TAF15: variants seen among roughly 807,000 people sequenced by gnomAD.
TAF15 encodes TATA-box binding protein associated factor 15, also known as TATA-binding protein-associated factor 2N.
TAF15 carries 37 observed loss-of-function variants against 102.5 expected under a neutral mutation model. That is an observed-to-expected ratio of 0.36 (90% CI 0.28 to 0.47). TAF15 has a LOEUF of 0.47. TAF15 is among the 20% of genes least tolerant of loss of function. The probability of loss-of-function intolerance (pLI) is 0.99; values close to 1 mark genes in which losing one functional copy is unlikely to be tolerated. For synonymous variants in TAF15, 273 were observed against 259.2 expected (o/e 1.05, Z -0.51); for missense variants, 652 against 760.7 (o/e 0.86, Z 1.68).
chr17:35,833,734 C>A, intron 7 of TAF15, 173 bp from the exon 8 acceptor site: 1 of 637,088 alleles, frequency 1.6e-6, no homozygotes, highest in Non-Finnish European at 2.8e-6. Flanking sequence ...CTTGGGAAAA[C>A]ACTTAGATGG....
intron 6 of TAF15, among the ~76,000 whole-genome samples, chr17:35,823,051 G>A (rs4251746): frequency 6.6e-6 from 1 of 152,216 alleles, no homozygotes; most frequent in East Asian, 1.9e-4. Context: ...GGCTGATTAC[G>A]TGAATTTCCT....
Position 35,836,135 on chromosome 17 carries a change from C to T in TAF15, c.677C>T (p.Ser226Leu), listed in dbSNP as rs2087471738. 1.2e-6 allele frequency: 2 copies of T among 1,608,162 alleles called. No individual in the cohort carries two copies. Among genetic ancestry groups the T allele is most frequent in the Non-Finnish European group, 1.7e-6 (2 of 1,174,882 alleles). Reference protein sequence around the residue: ...RDYGPRTDADSESDNSDNNTI... With the variant: ...RDYGPRTDADLESDNSDNNTI... Reference sequence around the variant, plus strand: ...ACCATCACTTTTTTTCTCTTAGATTCAGAATCTGATAATTCAGATAACAAC... The same window carrying T: ...ACCATCACTTTTTTTCTCTTAGATTTAGAATCTGATAATTCAGATAACAAC... The change falls in exon 10 of 16, where the codon TCA becomes TTA. Residue 226 changes from serine to leucine, a missense_variant. This residue lies in a region of TAF15 where 243 missense variants were observed against 284.1 expected (regional missense o/e 0.86). Transcript: ENST00000605844.
chr17:35,814,669 A>G (rs1000034907), intron 1 of TAF15, among the ~76,000 whole-genome samples: 2 of 151,932 alleles, frequency 1.3e-5, no homozygotes, highest in East Asian at 1.9e-4. Context: ...CCTGGTCAAC[A>G]TGGTGAAACT....
chr17:35,836,479 A>G (rs1017692797), intron 10 of TAF15, among the ~76,000 whole-genome samples: 1 of 152,216 alleles, frequency 6.6e-6, no homozygotes, highest in African/African-American at 2.4e-5. Flanking sequence ...TTAGGACTCT[A>G]AAATTAGTCT....
At chr17:35,817,893 A>C (rs1375150681) in intron 2 of TAF15, 138 bp downstream of exon 2, 6 of 761,682 alleles carry the variant, frequency 7.9e-6, no homozygotes, top group Non-Finnish European at 1.1e-5. Flanking sequence ...GTCAGTGTAA[A>C]TAGGTGCTGT....
chr17:35,821,856 T>C (rs1382625954), intron 5 of TAF15, among the ~76,000 whole-genome samples: 1 of 152,168 alleles, frequency 6.6e-6, no homozygotes, highest in Non-Finnish European at 1.5e-5. Context: ...TTTAGAAGAC[T>C]GTACTATAGG....
chr17:35,817,985 A>T (rs2087214535), intron 2 of TAF15, among the ~76,000 whole-genome samples: 1 of 151,874 alleles, frequency 6.6e-6, no homozygotes, highest in Non-Finnish European at 1.5e-5. Flanking sequence ...TGCAGTGGCA[A>T]ATCATAGTGT....
chr17:35,812,314 C>T (rs932197090), intron 1 of TAF15, among the ~76,000 whole-genome samples: 1 of 151,950 alleles, frequency 6.6e-6, no homozygotes, highest in Non-Finnish European at 1.5e-5. Flanking sequence ...ACATGAAGAA[C>T]GGCTGGGCGT....
At chr17:35,837,913 A>AT (rs1393550790) in intron 10 of TAF15, among the ~76,000 whole-genome samples, 9 of 152,120 alleles carry the variant, frequency 5.9e-5, no homozygotes, top group Non-Finnish European at 1.0e-4. Flanking sequence ...GTGGTGGCTG[A>AT]TTCCTGTAAT....
Position 35,846,949 on chromosome 17 carries a change from C to G in TAF15, c.*4C>G. ...TCAGCGCAACCGACCATACTGATGA[C>G]TGTTTTGAATGTTCCTTTGTCTCTG... On this transcript the variant is annotated 3_prime_UTR_variant, in exon 16 of 16. Coordinates refer to ENST00000605844, the MANE Select transcript of TAF15 (RefSeq NM_139215.3). The G allele has an allele frequency of 6.2e-7, 1 of 1,614,056 alleles. No homozygotes were observed. The highest frequency in any genetic ancestry group is 8.5e-7 in the Non-Finnish European group (1 of 1,180,004).
At chr17:35,836,551 AT>A (rs1226962917) in intron 10 of TAF15, among the ~76,000 whole-genome samples, 133 of 152,338 alleles carry the variant, frequency 8.7e-4, no homozygotes, top group Middle Eastern at 3.4e-3. Context: ...ATAGACTGAA[AT>A]ATATGCAAGT....
Position 35,822,344 on chromosome 17 carries a change from C to CA in TAF15, c.291-278dup, listed in dbSNP as rs909362495. 0.11 allele frequency among the ~76,000 whole-genome samples: 7,266 copies of CA among 67,276 alleles called. 527 individuals are homozygous for CA. The highest frequency in any genetic ancestry group is 0.27 in the African/African-American group (5,754 of 20,954). 44.1% of individuals were successfully genotyped at this position (67,276 alleles called of 152,430 possible). A position where few individuals can be genotyped will look rare whatever the true frequency, so the allele number is the denominator to read the frequency against. The stretch of plus-strand genomic sequence containing the variant: ...GGGCAACAAGAGTGAACCTCTGTCT[C>CA]AAAAAAAAAAAAAAAAAAGTTCAAG... On this transcript the variant is annotated intron_variant, in intron 5 of 15. Transcript: ENST00000605844.
intron 7 of TAF15, among the ~76,000 whole-genome samples, chr17:35,832,885 A>G (rs11656322): frequency 0.52 from 78,766 of 151,874 alleles, 22,426 homozygotes; most frequent in African/African-American, 0.77. Context: ...GTCCTGGCGC[A>G]GTGGCTCGTG....
In TAF15 at chr17:35,822,685, A is replaced by G; in HGVS notation, c.336A>G (p.Gln112=). The G allele has an allele frequency of 1.2e-6, 2 of 1,614,190 alleles. No homozygotes were observed. The highest frequency in any genetic ancestry group is 1.7e-6 in the Non-Finnish European group (2 of 1,180,024). ...CCTATGACCAGCCAGACTATGGTCAACAAGATTCATATGACCAGCAGTCAG... is the reference window on the plus strand; with the variant it reads ...CCTATGACCAGCCAGACTATGGTCAGCAAGATTCATATGACCAGCAGTCAG... The part of the protein sequence containing the change: ...APSYDQPDYG[Q]QDSYDQQSGY... Residue 112 remains glutamine (Q), a synonymous_variant, in exon 6 of 16, where the codon CAA becomes CAG. Transcript: ENST00000605844.
chr17:35,809,711 T>C (rs1180483776), intron 1 of TAF15, 135 bp downstream of exon 1: 5 of 1,221,786 alleles, frequency 4.1e-6, no homozygotes, highest in Admixed American at 2.0e-5. Flanking sequence ...GGGCGGCCGC[T>C]GCCGCCGCCA....
chr17:35,816,815 CTTTTTTTTTT>C (rs1170506741), intron 1 of TAF15: 7 of 57,438 alleles, frequency 1.2e-4, no homozygotes, highest in Admixed American at 4.4e-4. Context: ...CCCACCCCCA[CTTTTTTTTTT>C]TTTTTTTTTT....
chr17:35,840,549 G>T lies in TAF15; in HGVS notation c.914-1818G>T, dbSNP rs867829442. On this transcript the variant is annotated intron_variant, in intron 11 of 15. Coordinates refer to ENST00000605844, the MANE Select transcript of TAF15 (RefSeq NM_139215.3). ...TTACAGGCGCTCACCACCGCACTGG[G>T]CCAGCTCTTTTACTTCTTTAAAGAT... Among the ~76,000 whole-genome samples, 6 of 151,184 alleles carry T rather than the reference G, an allele frequency of 4.0e-5. No homozygotes were observed. In the Middle Eastern group the frequency reaches 0.014, roughly 343 times the overall value.
At chr17:35,813,454 T>C (rs890317580) in intron 1 of TAF15, among the ~76,000 whole-genome samples, 1 of 152,004 alleles carries the variant, frequency 6.6e-6, no homozygotes, top group Non-Finnish European at 1.5e-5. Flanking sequence ...GGCAACGTGA[T>C]GAAACTCCCA....
chr17:35,809,766 A>G (rs1049480696), intron 1 of TAF15, 190 bp downstream of exon 1: 115 of 743,482 alleles, frequency 1.5e-4, no homozygotes, highest in Non-Finnish European at 2.3e-4. Context: ...CCCCGGCTGC[A>G]AATCACGGCG....
Sources: gnomAD v4.1 joint callset for allele counts (sites outside exome capture counted in the v4.1 genomes callset) on GRCh38, gnomAD v4.1.1 for gene constraint, gnomAD v4.1.1 regional missense constraint, MANE v1.5 for transcripts, NCBI Gene and HGNC (gene_info 2026-07-23, HGNC 2026-07-21) for gene names.